Variants in GPC6 observed in about 807,000 individuals in gnomAD.
The protein encoded by GPC6 is glypican 6.
A neutral mutation model predicts 55.2 loss-of-function variants in GPC6; 14 were observed. The observed-to-expected ratio is 0.25, with a 90% CI of 0.17 to 0.40. GPC6 has a LOEUF of 0.40. Ranked by LOEUF, GPC6 falls within the 10% of genes least tolerant of loss-of-function variation. GPC6 has a pLI of 1.00. For synonymous variants in GPC6, 278 were observed against 259.6 expected (o/e 1.07, Z -0.68); for missense variants, 641 against 708.5 (o/e 0.90, Z 1.08).
chr13:93,374,396 G>A (rs1332014929), intron 1 of GPC6, among the ~76,000 whole-genome samples: 1 of 152,124 alleles, frequency 6.6e-6, no homozygotes, highest in African/African-American at 2.4e-5. Context: ...TTGATGAGTG[G>A]CAAGGTGATG....
intron 1 of GPC6, among the ~76,000 whole-genome samples, chr13:93,447,927 C>T (rs1308056917): frequency 6.6e-6 from 1 of 152,214 alleles, no homozygotes; most frequent in Non-Finnish European, 1.5e-5. Flanking sequence ...CAGGCATGTG[C>T]ATGCCGCTGT....
intron 4 of GPC6, among the ~76,000 whole-genome samples, chr13:94,065,739 T>C (rs1022245981): frequency 1.3e-5 from 2 of 152,190 alleles, no homozygotes; most frequent in Non-Finnish European, 2.9e-5. Context: ...AATGACCTAA[T>C]CTTATTACAC....
intron 4 of GPC6, among the ~76,000 whole-genome samples, chr13:94,210,840 TA>T (rs1372726065): frequency 6.6e-6 from 1 of 152,230 alleles, no homozygotes; most frequent in Non-Finnish European, 1.5e-5. Context: ...TACCAGGGCA[TA>T]AAACAAATCC....
chr13:94,364,410 C>T (rs1566722152), intron 6 of GPC6, among the ~76,000 whole-genome samples: 1 of 152,094 alleles, frequency 6.6e-6, no homozygotes, highest in Non-Finnish European at 1.5e-5. Flanking sequence ...GGTAATTTAC[C>T]TCACCGGGGT....
At chr13:93,724,496 A>G (rs987077375) in intron 2 of GPC6, among the ~76,000 whole-genome samples, 1 of 151,904 alleles carries the variant, frequency 6.6e-6, no homozygotes, top group Non-Finnish European at 1.5e-5. Context: ...TTCATCTTAT[A>G]TGTTTGTTTT....
At chr13:94,014,084 ATAAT>A (rs1882359679) in intron 3 of GPC6, among the ~76,000 whole-genome samples, 2 of 152,184 alleles carry the variant, frequency 1.3e-5, no homozygotes, top group African/African-American at 4.8e-5. Flanking sequence ...TTTACAATTC[ATAAT>A]TGTTTCCTGT....
chr13:93,590,336 C>T (rs763961745), intron 2 of GPC6, among the ~76,000 whole-genome samples: 1 of 152,156 alleles, frequency 6.6e-6, no homozygotes, highest in Non-Finnish European at 1.5e-5. Context: ...CAGAACTTAA[C>T]ATGTTCACCT....
intron 1 of GPC6, among the ~76,000 whole-genome samples, chr13:93,427,903 A>G (rs917040405): frequency 1.3e-5 from 2 of 152,206 alleles, no homozygotes; most frequent in Admixed American, 1.3e-4. Flanking sequence ...GTTTACTTTT[A>G]GAAAAGTTTT....
intron 4 of GPC6, among the ~76,000 whole-genome samples, chr13:94,064,059 G>C (rs1260809862): frequency 6.6e-6 from 1 of 152,128 alleles, no homozygotes; most frequent in East Asian, 1.9e-4. Context: ...AGTATGGTTA[G>C]TACGTAGATG....
At chr13:93,740,746 T>C (rs999559848) in intron 2 of GPC6, among the ~76,000 whole-genome samples, 2 of 152,174 alleles carry the variant, frequency 1.3e-5, no homozygotes, top group African/African-American at 2.4e-5. Flanking sequence ...CAAAGAACAA[T>C]TCTAAAATGA....
intron 1 of GPC6, among the ~76,000 whole-genome samples, chr13:93,336,273 A>G (rs1314112321): frequency 6.6e-6 from 1 of 152,236 alleles, no homozygotes; most frequent in African/African-American, 2.4e-5. Context: ...TGTGTTTGAC[A>G]TACCATATTA....
At chr13:93,312,267 T>C (rs1879097973) in intron 1 of GPC6, among the ~76,000 whole-genome samples, 1 of 152,200 alleles carries the variant, frequency 6.6e-6, no homozygotes, top group Admixed American at 6.5e-5. Context: ...ATTATTCGTT[T>C]ATATCAAAGT....
intron 2 of GPC6, among the ~76,000 whole-genome samples, chr13:93,735,605 T>C (rs1223785711): frequency 6.6e-6 from 1 of 152,176 alleles, no homozygotes. Flanking sequence ...GATCAATCTT[T>C]GCCAGGTTAG....
chr13:93,234,345 G>A (rs545527305), intron 1 of GPC6, among the ~76,000 whole-genome samples: 12 of 152,178 alleles, frequency 7.9e-5, no homozygotes, highest in Admixed American at 2.0e-4. Context: ...GGGTCATGTC[G>A]TCCTCCCCCA....
intron 6 of GPC6, among the ~76,000 whole-genome samples, chr13:94,310,980 G>C (rs1256138580): frequency 6.6e-6 from 1 of 152,074 alleles, no homozygotes; most frequent in Non-Finnish European, 1.5e-5. Flanking sequence ...CTGAGACATA[G>C]AAAATTCAAG....
At chr13:93,327,788 A>T (rs1238705553) in intron 1 of GPC6, among the ~76,000 whole-genome samples, 1 of 151,632 alleles carries the variant, frequency 6.6e-6, no homozygotes, top group Non-Finnish European at 1.5e-5. Context: ...AAACGGAATA[A>T]GTGTCTTAGC....
chr13:93,646,402 T>C (rs1037359246), intron 2 of GPC6, among the ~76,000 whole-genome samples: 28 of 152,260 alleles, frequency 1.8e-4, no homozygotes, highest in African/African-American at 6.3e-4. Context: ...CAAAGTACGC[T>C]AGTCAGTTTA....
intron 2 of GPC6, among the ~76,000 whole-genome samples, chr13:93,557,331 T>G (rs900926080): frequency 3.9e-5 from 6 of 152,126 alleles, no homozygotes; most frequent in African/African-American, 1.4e-4. Context: ...TTGTCTCTAT[T>G]TAGAGTACAA....
chr13:94,016,707 G>A (rs1392375195), intron 3 of GPC6, among the ~76,000 whole-genome samples: 5 of 152,120 alleles, frequency 3.3e-5, no homozygotes, highest in African/African-American at 1.2e-4. Flanking sequence ...CATAAACATG[G>A]GATGTATTTC....
Sources: allele counts gnomAD v4.1 joint callset (sites outside exome capture counted in the v4.1 genomes callset), GRCh38; gene constraint gnomAD v4.1.1; transcripts MANE v1.5; gene names NCBI Gene and HGNC (gene_info 2026-07-23, HGNC 2026-07-21).